Variants in KPNA7 observed in about 807,000 individuals in gnomAD.
KPNA7 encodes the protein karyopherin subunit alpha 7, also known as importin subunit alpha-8.
A neutral mutation model predicts 53.7 loss-of-function variants in KPNA7; 54 were observed. That is an observed-to-expected ratio of 1.01 (90% CI 0.81 to 1.26). The LOEUF is 1.26. Ranked by LOEUF, KPNA7 falls within the 50% of genes most tolerant of loss-of-function variation. The pLI is 0.00. For synonymous variants in KPNA7, 276 were observed against 259.3 expected (o/e 1.06, Z -0.62); for missense variants, 640 against 644.5 (o/e 0.99, Z 0.07).
intron 2 of KPNA7, among the ~76,000 whole-genome samples, chr7:99,204,081 A>G (rs17161618): frequency 0.16 from 23,667 of 152,074 alleles, 2,809 homozygotes; most frequent in African/African-American, 0.34. Flanking sequence ...TACTGAGGGA[A>G]ATCAAAATTA....
intron 3 of KPNA7, among the ~76,000 whole-genome samples, chr7:99,198,907 G>A (rs1457335027): frequency 6.6e-6 from 1 of 151,944 alleles, no homozygotes; most frequent in Non-Finnish European, 1.5e-5. Flanking sequence ...ATAAAATTCA[G>A]CTAGGTTGCA....
At chr7:99,201,382 T>C (rs73403103) in intron 3 of KPNA7, among the ~76,000 whole-genome samples, 12,049 of 151,924 alleles carry the variant, frequency 0.079, 513 homozygotes, top group South Asian at 0.15. Context: ...TATGCTAATA[T>C]GCCAAGCACA....
chr7:99,182,358 C>A (rs568482118), intron 8 of KPNA7, among the ~76,000 whole-genome samples: 5 of 152,280 alleles, frequency 3.3e-5, no homozygotes, highest in South Asian at 4.1e-4. Flanking sequence ...CCACCACGCC[C>A]AGCTAATTTT....
intron 6 of KPNA7, among the ~76,000 whole-genome samples, chr7:99,189,108 C>G (rs1020019927): frequency 7.9e-5 from 12 of 152,134 alleles, no homozygotes; most frequent in African/African-American, 2.7e-4. Flanking sequence ...TTCAAAATGT[C>G]CTTTCCCATT....
Position 99,177,970 on chromosome 7 carries a change from G to C in KPNA7, c.1414C>G (p.Arg472Gly). ...TTCAAAGCCGACTGGCCAATTTGAC[G>C]GTTCTCATGCAGCTGTAAAGCCTCA... ...RIEALQLHENRQIGQSALNII... is the reference protein window; with the variant it reads ...RIEALQLHENGQIGQSALNII... Residue 472 changes from arginine to glycine, a missense_variant, in exon 10 of 11, where the codon CGT becomes GGT. By Grantham distance (125) the Arg-to-Gly change is moderately radical. Transcript: ENST00000327442. The C allele has an allele frequency of 1.3e-6, 2 of 1,551,870 alleles. No individual in the cohort carries two copies. Among genetic ancestry groups the C allele is most frequent in the Non-Finnish European group, 1.7e-6 (2 of 1,147,054 alleles).
chr7:99,164,629 AT>A, the KPNA7 span, among the ~76,000 whole-genome samples: 2 of 21,530 alleles, frequency 9.3e-5, no homozygotes, highest in African/African-American at 1.9e-4. Context: ...AACTTAAAGA[AT>A]TTAAAAAAAA....
chr7:99,168,625 C>G (rs1316929615), downstream of KPNA7, among the ~76,000 whole-genome samples: 1 of 152,102 alleles, frequency 6.6e-6, no homozygotes, highest in Non-Finnish European at 1.5e-5. Context: ...ATCCTCCCAC[C>G]TCAGGCTCCC....
intron 9 of KPNA7, 129 bp from the exon 10 acceptor site, chr7:99,178,195 T>C (rs1798993613): frequency 2.6e-6 from 2 of 768,572 alleles, no homozygotes; most frequent in Non-Finnish European, 4.2e-6. Flanking sequence ...AATGGATAGT[T>C]GCAATTTCAC....
At chr7:99,208,535 C>T (rs12705043), upstream of KPNA7, among the ~76,000 whole-genome samples, 9,254 of 152,114 alleles carry the variant, frequency 0.061, 311 homozygotes, top group South Asian at 0.16. Flanking sequence ...GGATTACAGG[C>T]GTGAGCCACC....
At chr7:99,213,914 C>A (rs565568286) in intron 1 of KPNA7, among the ~76,000 whole-genome samples, 1 of 152,230 alleles carries the variant, frequency 6.6e-6, no homozygotes, top group Non-Finnish European at 1.5e-5. Context: ...TGGCCCAAAA[C>A]ATTTATTATG....
intron 7 of KPNA7, 65 bp downstream of exon 7, chr7:99,188,235 C>G: frequency 6.7e-7 from 1 of 1,486,016 alleles, no homozygotes; most frequent in Non-Finnish European, 9.1e-7. Context: ...AAACCTTGCC[C>G]CAGAACCTGC....
chr7:99,165,576 C>T, the KPNA7 span, among the ~76,000 whole-genome samples: 1 of 152,206 alleles, frequency 6.6e-6, no homozygotes, highest in Non-Finnish European at 1.5e-5. Context: ...GAAGTTGGTG[C>T]AGGTGAACTG....
At chr7:99,219,090 C>T (rs147363967) in intron 1 of KPNA7, among the ~76,000 whole-genome samples, 10 of 152,352 alleles carry the variant, frequency 6.6e-5, no homozygotes, top group Admixed American at 2.0e-4. Flanking sequence ...TATGCGTGAA[C>T]GCAGATTGGA....
chr7:99,180,835 CTGTCTCTCTCTCTCTCCCCGTCTG>C (rs1799178015), intron 9 of KPNA7, among the ~76,000 whole-genome samples: 1 of 59,832 alleles, frequency 1.7e-5, no homozygotes, highest in Non-Finnish European at 3.3e-5. Context: ...CTCTCCCCGT[CTGTCTCTCTCTCTCTCCCCGTCTG>C]TGTCTCTCTC....
In KPNA7 at chr7:99,188,336, C is replaced by T. The variant is rs1417051654; in HGVS notation, c.864G>A (p.Leu288=). ...QVVNTGVLPR[L]VVLMTSSELN... ...GTTCTGAGCTGGTCATGAGCACTAC[C>T]AGCCTGGGCAGGACCCCCGTGTTAA... Residue 288 remains leucine, a synonymous_variant, in exon 7 of 11, where the codon CTG becomes CTA. Coordinates refer to ENST00000327442, the MANE Select transcript of KPNA7 (RefSeq NM_001145715.3). 1.9e-6 allele frequency: 3 copies of T among 1,551,608 alleles called. No individual in the cohort carries two copies. Among genetic ancestry groups the T allele is most frequent in the Non-Finnish European group, 2.6e-6 (3 of 1,146,986 alleles).
At chr7:99,157,358 C>A in the KPNA7 span, among the ~76,000 whole-genome samples, 11 of 152,002 alleles carry the variant, frequency 7.2e-5, no homozygotes, top group Admixed American at 7.2e-4. Flanking sequence ...TACAGGCATG[C>A]GCCACCACAC....
At chr7:99,159,517 C>T in the KPNA7 span, among the ~76,000 whole-genome samples, 1 of 152,118 alleles carries the variant, frequency 6.6e-6, no homozygotes, top group African/African-American at 2.4e-5. Flanking sequence ...GAACAGAACT[C>T]CCCATGGACC....
chr7:99,207,015 T>C (rs1037500986), intron 2 of KPNA7, among the ~76,000 whole-genome samples: 2 of 151,760 alleles, frequency 1.3e-5, no homozygotes, highest in South Asian at 4.2e-4. Context: ...TCAACCCATC[T>C]CTCCACCACC....
At chr7:99,161,394 A>C in the KPNA7 span, among the ~76,000 whole-genome samples, 1 of 152,082 alleles carries the variant, frequency 6.6e-6, no homozygotes, top group Non-Finnish European at 1.5e-5. Flanking sequence ...GAAACCCTCT[A>C]ACTACCACAT....
Sources: gnomAD v4.1 joint callset for allele counts (sites outside exome capture counted in the v4.1 genomes callset) on GRCh38, gnomAD v4.1.1 for gene constraint, MANE v1.5 for transcripts, NCBI Gene and HGNC (gene_info 2026-07-23, HGNC 2026-07-21) for gene names.